Variants in ZSWIM9 observed in about 807,000 individuals in gnomAD.
The protein encoded by ZSWIM9 is zinc finger SWIM-type containing 9.
A neutral mutation model predicts 25.0 loss-of-function variants in ZSWIM9; 11 were observed. The observed-to-expected ratio is 0.44, with a 90% CI of 0.28 to 0.73. ZSWIM9 has a LOEUF of 0.73. ZSWIM9 is among the 30% of genes least tolerant of loss of function. The probability of loss-of-function intolerance (pLI) is 0.16; values close to 1 mark genes in which losing one functional copy is unlikely to be tolerated. For synonymous variants in ZSWIM9, 562 were observed against 582.1 expected (o/e 0.97, Z 0.50); for missense variants, 1,070 against 1,296.5 (o/e 0.83, Z 2.68).
intron 3 of ZSWIM9, chr19:48,191,925 A>G (rs2037098583): frequency 6.5e-6 from 1 of 154,730 alleles, no homozygotes; most frequent in African/African-American, 2.4e-5. Context: ...TGGTATTGCA[A>G]ATCGCATGGG....
intron 3 of ZSWIM9, among the ~76,000 whole-genome samples, chr19:48,186,267 A>G (rs1027063799): frequency 6.9e-6 from 1 of 144,936 alleles, no homozygotes; most frequent in African/African-American, 2.7e-5. Context: ...CCCAGCAAGC[A>G]GGGCAGCCTA....
chr19:48,176,913 T>TA (rs111913140), intron 2 of ZSWIM9, among the ~76,000 whole-genome samples: 24 of 145,470 alleles, frequency 1.6e-4, no homozygotes, highest in East Asian at 1.0e-3. Flanking sequence ...AAATAAAAAT[T>TA]AAAAAAAAAA....
At position 48,174,486 on chromosome 19, in the gene ZSWIM9, T is replaced by C. The variant is rs910315195; in HGVS notation, c.275+2409T>C. 7.2e-5 allele frequency among the ~76,000 whole-genome samples: 11 copies of C among 152,148 alleles called. No individual in the cohort carries two copies. The East Asian group carries it at 1.2e-3, about 16-fold the overall frequency. On this transcript the variant is annotated intron_variant, in intron 2 of 3. Transcript: ENST00000614654. ...TGTGCTGCTGATGCTTGGTGGATGC[T>C]GTTGAGTGAGTGACTTCACCTTTCT... is the stretch of plus-strand genomic sequence containing the variant.
intron 2 of ZSWIM9, among the ~76,000 whole-genome samples, chr19:48,179,052 C>CT (rs1441482154): frequency 3.3e-5 from 5 of 152,178 alleles, no homozygotes; most frequent in African/African-American, 1.2e-4. Context: ...CCAAAAAATG[C>CT]TGATATTACC....
chr19:48,181,182 C>CA (rs905617395), intron 2 of ZSWIM9: 72 of 148,492 alleles, frequency 4.8e-4, no homozygotes, highest in Middle Eastern at 3.5e-3. Context: ...TGAATTTTCC[C>CA]AAAAAAAAAA....
chr19:48,172,853 C>A (rs1469747958), intron 2 of ZSWIM9, among the ~76,000 whole-genome samples: 1 of 151,362 alleles, frequency 6.6e-6, no homozygotes, highest in Non-Finnish European at 1.5e-5. Context: ...AGAGGCAGAG[C>A]GTAAAACACA....
intron 3 of ZSWIM9, among the ~76,000 whole-genome samples, chr19:48,185,286 T>C (rs2036997358): frequency 6.6e-6 from 1 of 151,990 alleles, no homozygotes; most frequent in Non-Finnish European, 1.5e-5. Flanking sequence ...ATTACAGGCA[T>C]GCGCCACCAT....
chr19:48,189,925 G>A (rs1033196427), intron 3 of ZSWIM9, among the ~76,000 whole-genome samples: 3 of 152,106 alleles, frequency 2.0e-5, no homozygotes, highest in Non-Finnish European at 4.4e-5. Flanking sequence ...AATAGAAGGT[G>A]GGCGCAGTGG....
rs12463216 is a variant in ZSWIM9 at position 48,194,525 on chromosome 19, T to C, written c.589-128T>C. On this transcript the variant is annotated intron_variant, in intron 3 of 3. Coordinates refer to ENST00000614654, the MANE Select transcript of ZSWIM9 (RefSeq NM_199341.4). The surrounding 1 kb of genome is among the most constrained non-coding windows in gnomAD (Gnocchi z 6.0). ...GCCTCCTGCCGGTCAAAAGAATAAA[T>C]GCATATGCAGGCAAGAATGAATGGG... The C allele has an allele frequency of 0.45, 433,019 of 953,740 alleles. 100,133 individuals are homozygous for C. The highest frequency in any genetic ancestry group is 0.5 in the African/African-American group (28,981 of 57,858). The allele number at this position is 953,740 out of a possible 1,614,324, so 59.1% of individuals were successfully genotyped here.
chr19:48,196,089 C>T lies in ZSWIM9; in HGVS notation c.2025C>T (p.Ala675=). 1.6e-6 allele frequency: 2 copies of T among 1,242,440 alleles called. No homozygotes were observed. The highest frequency in any genetic ancestry group is 2.0e-6 in the Non-Finnish European group (2 of 994,788). 77.0% of individuals were successfully genotyped at this position (1,242,440 alleles called of 1,614,324 possible). ...GIPLEKSLEL[A]PENGDQRGPQ... is the part of the protein sequence containing the mutation. ...CCTTGGAGAAGTCCCTGGAGTTGGC[C>T]CCTGAGAACGGAGACCAAAGGGGAC... The change falls in exon 4 of 4, where the codon GCC becomes GCT. Residue 675 remains alanine, a synonymous_variant. Coordinates refer to ENST00000614654, the MANE Select transcript of ZSWIM9 (RefSeq NM_199341.4).
Position 48,194,928 on chromosome 19 carries a change from C to T in ZSWIM9, c.864C>T (p.Arg288=), listed in dbSNP as rs1462962673. 2 of 1,318,232 alleles carry T rather than the reference C, an allele frequency of 1.5e-6. No individual in the cohort carries two copies. The highest frequency in any genetic ancestry group is 3.4e-5 in the South Asian group (2 of 59,384). 81.7% of individuals were successfully genotyped at this position (1,318,232 alleles called of 1,614,324 possible). ...AGAGCGCGCCAGACGTCAAGGGCCGCGTGCGCTGCCTCACCGCCGGGCCCG... is the reference window on the plus strand; with the variant it reads ...AGAGCGCGCCAGACGTCAAGGGCCGTGTGCGCTGCCTCACCGCCGGGCCCG... ...LLQSAPDVKG[R]VRCLTAGPEV... The change falls in exon 4 of 4, where the codon CGC becomes CGT. Residue 288 remains arginine (R), a synonymous_variant. Transcript: ENST00000614654. This position sits in a 1 kb window ranked among gnomAD's most constrained non-coding sequence, Gnocchi z 6.0.
intron 3 of ZSWIM9, among the ~76,000 whole-genome samples, chr19:48,189,121 T>G (rs1368927684): frequency 6.6e-6 from 1 of 152,146 alleles, no homozygotes; most frequent in Admixed American, 6.5e-5. Context: ...CACTCACCCT[T>G]AGGCTCACAA....
Position 48,195,001 on chromosome 19 carries a change from C to A in ZSWIM9, c.937C>A (p.Arg313Ser), listed in dbSNP as rs1229425519. 2 of 1,349,546 alleles carry A rather than the reference C, an allele frequency of 1.5e-6. No individual in the cohort carries two copies. Among genetic ancestry groups the A allele is most frequent in the South Asian group, 1.6e-5 (1 of 64,336 alleles). 83.6% of individuals were successfully genotyped at this position (1,349,546 alleles called of 1,614,324 possible). The change falls in exon 4 of 4, where the codon CGC becomes AGC. Residue 313 changes from arginine (R) to serine (S), a missense_variant. Transcript: ENST00000614654. The surrounding 1 kb of genome is among the most constrained non-coding windows in gnomAD (Gnocchi z 5.8). ...AGTGCGCCAGCTGCTGCCCTGCGCG[C>A]GCGTGCAGATCTGCCGCGCGCAGGG... The part of the protein sequence containing the change: ...PAVRQLLPCA[R>S]VQICRAQGLE...
chr19:48,186,661 CG>C (rs2037015234), intron 3 of ZSWIM9: 1 of 154,832 alleles, frequency 6.5e-6, no homozygotes, highest in South Asian at 2.0e-4. Flanking sequence ...CACCATCTTT[CG>C]TTCTTCCTCT....
At chr19:48,183,373 C>T (rs545666398) in intron 3 of ZSWIM9, among the ~76,000 whole-genome samples, 3 of 152,168 alleles carry the variant, frequency 2.0e-5, no homozygotes, top group South Asian at 2.1e-4. Context: ...GTGATCCGCC[C>T]GCCTCGGCCT....
At chr19:48,192,498 TACACACACACAC>T (rs1555787892) in intron 3 of ZSWIM9, among the ~76,000 whole-genome samples, 1 of 20,756 alleles carries the variant, frequency 4.8e-5, no homozygotes, top group Non-Finnish European at 1.0e-4. Flanking sequence ...TATATATATA[TACACACACACAC>T]ACACACACAT....
Position 48,171,831 on chromosome 19 carries a change from C to G in ZSWIM9, c.29C>G (p.Thr10Arg). MERPEPPPG[T>R]AAGQEEQELR... ...GAGCGGCCGGAGCCCCCACCCGGCA[C>G]GGCTGCGGGGCAGGAGGAGCAGGAG... The change falls in exon 2 of 4, where the codon ACG becomes AGG. Residue 10 changes from threonine (T) to arginine (R), a missense_variant. By Grantham distance (71) the Thr-to-Arg change is moderately conservative. Transcript: ENST00000614654. The G allele has an allele frequency of 6.5e-7, 1 of 1,533,832 alleles. No homozygotes were observed. The highest frequency in any genetic ancestry group is 1.2e-5 in the South Asian group (1 of 83,898).
chr19:48,174,958 A>C (rs2036877714), intron 2 of ZSWIM9: 3 of 152,226 alleles, frequency 2.0e-5, no homozygotes, highest in African/African-American at 7.2e-5. Context: ...AAACAAAAAA[A>C]AATTATAGAT....
chr19:48,172,118 A>T, intron 2 of ZSWIM9, 41 bp downstream of exon 2: 9 of 620,358 alleles, frequency 1.5e-5, no homozygotes, highest in Non-Finnish European at 2.0e-5. Flanking sequence ...GGGGAAGGGG[A>T]GCACCGGGGG....
Sources: allele counts gnomAD v4.1 joint callset (sites outside exome capture counted in the v4.1 genomes callset), GRCh38; gene constraint gnomAD v4.1.1; non-coding constraint Gnocchi (gnomAD v3.1); transcripts MANE v1.5; gene names NCBI Gene and HGNC (gene_info 2026-07-23, HGNC 2026-07-21).